Variants in BST1 observed in about 807,000 individuals in gnomAD.
BST1 encodes the protein bone marrow stromal cell antigen 1.
Under a neutral mutation model 40.6 loss-of-function variants are expected in BST1, and 49 were observed. The observed-to-expected ratio is 1.21, with a 90% confidence interval of 0.96 to 1.53. The LOEUF (loss-of-function observed/expected upper bound fraction) is 1.53, where lower values mean the gene tolerates loss of function less well. Ranked by LOEUF, BST1 falls within the 40% of genes most tolerant of loss-of-function variation. The pLI is 0.00. For missense variants in BST1, 423 were observed against 395.9 expected (o/e 1.07, Z -0.58); for synonymous variants, 157 against 159.3 (o/e 0.99, Z 0.11).
At chr4:15,712,566 C>A (rs73224659) in intron 4 of BST1, among the ~76,000 whole-genome samples, 22,362 of 152,098 alleles carry the variant, frequency 0.15, 1,677 homozygotes, top group East Asian at 0.24. Flanking sequence ...ATGTCAGGCC[C>A]CTTCCACCCA....
chr4:15,730,668 T>C (rs777066793), intron 8 of BST1, among the ~76,000 whole-genome samples: 1 of 152,176 alleles, frequency 6.6e-6, no homozygotes, highest in Non-Finnish European at 1.5e-5. Flanking sequence ...GAGAAGCTTT[T>C]TGCTCAGGAA....
At chr4:15,733,632 G>T (rs1440961055), downstream of BST1, among the ~76,000 whole-genome samples, 1 of 152,238 alleles carries the variant, frequency 6.6e-6, no homozygotes, top group Non-Finnish European at 1.5e-5. Flanking sequence ...ATCATGGAAG[G>T]CAAAAGGGAA....
chr4:15,753,163 C>T, the BST1 span, among the ~76,000 whole-genome samples: 4 of 152,168 alleles, frequency 2.6e-5, no homozygotes, highest in Non-Finnish European at 5.9e-5. Context: ...CCTCCATCTT[C>T]ATCTCTCTGA....
chr4:15,755,967 C>T, the BST1 span, among the ~76,000 whole-genome samples: 2 of 152,174 alleles, frequency 1.3e-5, no homozygotes, highest in Non-Finnish European at 2.9e-5. Context: ...ACCATGTAAA[C>T]TGATAGATGA....
At chr4:15,754,354 A>AG in the BST1 span, among the ~76,000 whole-genome samples, 5 of 152,206 alleles carry the variant, frequency 3.3e-5, no homozygotes, top group African/African-American at 1.2e-4. Flanking sequence ...CCAAGGAAAC[A>AG]GGGGTATGTT....
At chr4:15,763,277 T>C in the BST1 span, among the ~76,000 whole-genome samples, 1 of 151,664 alleles carries the variant, frequency 6.6e-6, no homozygotes, top group Non-Finnish European at 1.5e-5. Context: ...GAGGAAAAAA[T>C]TTAAAAAGGA....
chr4:15,771,133 G>C, the BST1 span, among the ~76,000 whole-genome samples: 1 of 152,192 alleles, frequency 6.6e-6, no homozygotes, highest in African/African-American at 2.4e-5. Flanking sequence ...CCTCAGTGCA[G>C]TGTAACTATG....
chr4:15,754,353 C>T, the BST1 span, among the ~76,000 whole-genome samples: 1 of 152,184 alleles, frequency 6.6e-6, no homozygotes. Context: ...CCCAAGGAAA[C>T]AGGGGTATGT....
rs369976386 is a variant in BST1 at position 15,705,646 on chromosome 4, C to T, written c.315+5C>T. ...CACTCTATTCCCAGAGATAAGGTAA[C>T]ACCACAACCATCTTGGGTAAAACTG... On this transcript the variant is annotated splice_donor_5th_base_variant and intron_variant, in intron 2 of 8. Coordinates refer to ENST00000265016, the MANE Select transcript of BST1 (RefSeq NM_004334.3). 4 of 1,613,786 alleles carry T rather than the reference C, an allele frequency of 2.5e-6. No individual in the cohort carries two copies. In the African/African-American group the frequency reaches 5.3e-5, roughly 22 times the overall value.
chr4:15,731,285 A>G (rs773280983), intron 8 of BST1: 5 of 506,294 alleles, frequency 9.9e-6, no homozygotes, highest in East Asian at 9.8e-5. Context: ...TTGATCAGAG[A>G]CTCTGAGGCC....
chr4:15,744,923 C>T, the BST1 span, among the ~76,000 whole-genome samples: 2 of 152,310 alleles, frequency 1.3e-5, no homozygotes, highest in East Asian at 1.9e-4. Flanking sequence ...TGTAAGTCAT[C>T]ACTTCTAGAC....
chr4:15,748,177 G>A, the BST1 span, among the ~76,000 whole-genome samples: 687 of 152,272 alleles, frequency 4.5e-3, 9 homozygotes, highest in Non-Finnish European at 4.8e-3. Flanking sequence ...CCATTCTCAT[G>A]CGTGCTTTCC....
chr4:15,724,835 A>T (rs1014037233), intron 8 of BST1, among the ~76,000 whole-genome samples: 2 of 152,320 alleles, frequency 1.3e-5, no homozygotes, highest in Admixed American at 1.3e-4. Context: ...GGCTATCAAG[A>T]ATAATGATCC....
intron 8 of BST1, among the ~76,000 whole-genome samples, chr4:15,730,208 C>G (rs557594226): frequency 2.4e-4 from 37 of 152,278 alleles, no homozygotes; most frequent in African/African-American, 8.4e-4. Context: ...GACAGGGCCA[C>G]TAGTCCAGAG....
chr4:15,758,307 C>T, the BST1 span, among the ~76,000 whole-genome samples: 2 of 152,096 alleles, frequency 1.3e-5, no homozygotes, highest in Non-Finnish European at 2.9e-5. Context: ...GCCCTGTCTC[C>T]TCTAGTAGTC....
At chr4:15,772,116 A>C in the BST1 span, among the ~76,000 whole-genome samples, 1 of 152,102 alleles carries the variant, frequency 6.6e-6, no homozygotes, top group Non-Finnish European at 1.5e-5. Flanking sequence ...CCTTTGATCT[A>C]TTTGACATTT....
At chr4:15,720,897 C>T (rs1238872461) in intron 7 of BST1, among the ~76,000 whole-genome samples, 3 of 152,200 alleles carry the variant, frequency 2.0e-5, no homozygotes, top group Non-Finnish European at 4.4e-5. Context: ...AAAATTGTTG[C>T]ATTCACAACC....
At chr4:15,727,264 T>C (rs1721164536) in intron 8 of BST1, among the ~76,000 whole-genome samples, 1 of 152,144 alleles carries the variant, frequency 6.6e-6, no homozygotes, top group Non-Finnish European at 1.5e-5. Context: ...CCACAGCAGG[T>C]AAGTAAGGGG....
chr4:15,716,095 G>C (rs1720501072), intron 6 of BST1, among the ~76,000 whole-genome samples: 1 of 152,082 alleles, frequency 6.6e-6, no homozygotes, highest in South Asian at 2.1e-4. Flanking sequence ...ATTTGTGAGG[G>C]TCTAAGCCAG....
Sources: gnomAD v4.1 joint callset for allele counts (sites outside exome capture counted in the v4.1 genomes callset) on GRCh38, gnomAD v4.1.1 for gene constraint, MANE v1.5 for transcripts, NCBI Gene and HGNC (gene_info 2026-07-23, HGNC 2026-07-21) for gene names.